Variants in ADAMTS19 observed in about 807,000 individuals in gnomAD.
ADAMTS19 encodes A disintegrin and metalloproteinase with thrombospondin motifs 19.
A neutral mutation model predicts 153.3 loss-of-function variants in ADAMTS19; 93 were observed. That is an observed-to-expected ratio of 0.61 (90% CI 0.51 to 0.72). The LOEUF is 0.72. Ranked by LOEUF, ADAMTS19 falls within the 30% of genes least tolerant of loss-of-function variation. The pLI is 0.00. For synonymous variants in ADAMTS19, 600 were observed against 556.6 expected, an observed-to-expected ratio of 1.08 and a Z score of -1.10; for missense variants, 1,482 against 1,552.1, an observed-to-expected ratio of 0.95 and a Z score of 0.76.
In ADAMTS19 at chr5:129,679,755, T is replaced by A. The variant is rs746371655; in HGVS notation, c.2507-9T>A. 6.3e-7 allele frequency: 1 copy of A among 1,585,598 alleles called. No homozygotes were observed. Among genetic ancestry groups the A allele is most frequent in the East Asian group, 2.3e-5 (1 of 43,942 alleles). ...TTAATACTCATTATATTTTTGAACC[T>A]CTTTATAGCTCTCCGAGATGCTGGC... On this transcript the variant is annotated splice_polypyrimidine_tract_variant and intron_variant, in intron 16 of 22. Coordinates refer to ENST00000274487, the MANE Select transcript of ADAMTS19 (RefSeq NM_133638.6).
intron 16 of ADAMTS19, among the ~76,000 whole-genome samples, chr5:129,673,204 G>C (rs1017604296): frequency 6.6e-6 from 1 of 151,634 alleles, no homozygotes; most frequent in African/African-American, 2.4e-5. Flanking sequence ...TTAGTTTCTT[G>C]CTTCTATTTA....
chr5:129,723,490 G>C (rs1458537806), intron 21 of ADAMTS19, among the ~76,000 whole-genome samples: 1 of 152,038 alleles, frequency 6.6e-6, no homozygotes, highest in Non-Finnish European at 1.5e-5. Context: ...ATTTCTATTT[G>C]AGCTTCTCAT....
intron 21 of ADAMTS19, among the ~76,000 whole-genome samples, chr5:129,709,433 T>G (rs1256097681): frequency 6.6e-6 from 1 of 152,212 alleles, no homozygotes; most frequent in Non-Finnish European, 1.5e-5. Context: ...TAAATATTAT[T>G]GATGTTACTG....
intron 8 of ADAMTS19, among the ~76,000 whole-genome samples, chr5:129,610,109 ATATATT>A (rs976304042): frequency 2.5e-5 from 3 of 120,186 alleles, no homozygotes; most frequent in African/African-American, 5.5e-5. Flanking sequence ...ATATATATAT[ATATATT>A]ATTTAAAATT....
chr5:129,538,998 G>A (rs1318334494), intron 6 of ADAMTS19, among the ~76,000 whole-genome samples: 1 of 152,094 alleles, frequency 6.6e-6, no homozygotes, highest in African/African-American at 2.4e-5. Context: ...GAGTTGGTGT[G>A]TATGTAAAGA....
intron 2 of ADAMTS19, among the ~76,000 whole-genome samples, chr5:129,493,932 A>T (rs968726916): frequency 6.6e-6 from 1 of 152,070 alleles, no homozygotes; most frequent in African/African-American, 2.4e-5. Flanking sequence ...ATTTCATAAG[A>T]ATCACACCCT....
At chr5:129,711,519 CA>C (rs373035150) in intron 21 of ADAMTS19, among the ~76,000 whole-genome samples, 7 of 151,660 alleles carry the variant, frequency 4.6e-5, no homozygotes, top group African/African-American at 7.2e-5. Flanking sequence ...ACCAAAAATA[CA>C]AAAAAAATTA....
chr5:129,528,626 C>T lies in ADAMTS19; in HGVS notation c.1277C>T (p.Thr426Ile). Residue 426 changes from threonine to isoleucine, a missense_variant, in exon 6 of 23, where the codon ACA (threonine) becomes ATA (isoleucine). Transcript: ENST00000274487. Reference protein sequence around the residue: ...KKNDIHLEMSTNWGEDMTSVD... With the variant: ...KKNDIHLEMSINWGEDMTSVD... ...AATGATATACATTTAGAGATGTCAA[C>T]AAACTGGGGGGAAGACATGACTTCA... is the stretch of plus-strand genomic sequence containing the variant. The T allele has an allele frequency of 6.2e-7, 1 of 1,604,812 alleles. No homozygotes were observed. The highest frequency in any genetic ancestry group is 8.5e-7 in the Non-Finnish European group (1 of 1,176,342).
chr5:129,702,941 A>AAAAAAAATAT, intron 20 of ADAMTS19, among the ~76,000 whole-genome samples: 8 of 29,304 alleles, frequency 2.7e-4, no homozygotes, highest in African/African-American at 5.1e-4. Flanking sequence ...AAAAAAAAAA[A>AAAAAAAATAT]ATATATATAT....
chr5:129,586,362 C>T (rs923017781), intron 7 of ADAMTS19, among the ~76,000 whole-genome samples: 14 of 152,120 alleles, frequency 9.2e-5, no homozygotes, highest in African/African-American at 2.2e-4. Flanking sequence ...TGGCATCCAC[C>T]GATCTTTTTA....
chr5:129,687,132 CA>C (rs1161083075), intron 18 of ADAMTS19, among the ~76,000 whole-genome samples: 1 of 152,064 alleles, frequency 6.6e-6, no homozygotes, highest in East Asian at 1.9e-4. Flanking sequence ...ACATTCACAA[CA>C]AAAATATAGT....
rs1753450882 is a variant in ADAMTS19, at chr5:129,654,405, T to C, written c.2276T>C (p.Leu759Ser). 1 of 1,612,372 alleles carries C rather than the reference T, an allele frequency of 6.2e-7. No individual in the cohort carries two copies. The highest frequency in any genetic ancestry group is 1.1e-5 in the South Asian group (1 of 90,760). ...GGAACTTCTTGTGGCTATCAGGGAT[T>C]AGATATCTGTGCAAATGGCAGGTGC... is the stretch of plus-strand genomic sequence containing the variant. Reference protein sequence around the residue: ...MDGTSCGYQGLDICANGRCQK... With the variant: ...MDGTSCGYQGSDICANGRCQK... The change falls in exon 14 of 23, where the codon TTA becomes TCA. Residue 759 changes from leucine to serine, a missense_variant. Leu to Ser is a moderately radical substitution (Grantham distance 145, BLOSUM62 -2). Around this residue, in one of 2 missense-constraint regions of ADAMTS19, gnomAD observed 616 missense variants for 724.4 expected, o/e 0.85. Transcript: ENST00000274487.
intron 7 of ADAMTS19, among the ~76,000 whole-genome samples, chr5:129,577,642 G>A (rs572604974): frequency 2.6e-4 from 40 of 152,088 alleles, no homozygotes; most frequent in Admixed American, 1.8e-3. Flanking sequence ...AAGATGTAAC[G>A]ATGCTTGCTC....
chr5:129,669,847 G>C (rs1754224918), intron 16 of ADAMTS19, among the ~76,000 whole-genome samples: 1 of 151,730 alleles, frequency 6.6e-6, no homozygotes, highest in Non-Finnish European at 1.5e-5. Flanking sequence ...GGTTGTTAGT[G>C]TGTTGTTTAA....
intron 7 of ADAMTS19, among the ~76,000 whole-genome samples, chr5:129,590,890 T>A (rs943768639): frequency 6.6e-6 from 1 of 152,256 alleles, no homozygotes; most frequent in Non-Finnish European, 1.5e-5. Context: ...TGGATTGCAC[T>A]GGATCACATT....
At chr5:129,500,602 C>A (rs1751067906) in intron 2 of ADAMTS19, 1 of 151,948 alleles carries the variant, frequency 6.6e-6, no homozygotes, top group African/African-American at 2.4e-5. Context: ...GTTTTAATTG[C>A]AAAATAGAAC....
intron 10 of ADAMTS19, among the ~76,000 whole-genome samples, chr5:129,635,495 G>A (rs946523137): frequency 6.6e-6 from 1 of 152,118 alleles, no homozygotes; most frequent in Non-Finnish European, 1.5e-5. Context: ...GCAAAGACAT[G>A]GAATGAACCT....
At position 129,550,651 on chromosome 5, in the gene ADAMTS19, A is replaced by G. The variant is rs560984857; in HGVS notation, c.1329-1213A>G. ...GCAAGATGTGAATTGAAAGCTAACC[A>G]TTATAAAGATCAATGTGACTTCATT... On this transcript the variant is annotated intron_variant, in intron 6 of 22. Transcript: ENST00000274487. Among the ~76,000 whole-genome samples the G allele has an allele frequency of 1.2e-3, 180 of 151,532 alleles. 1 individual carries two copies. Among genetic ancestry groups the G allele is most frequent in the African/African-American group, 4.2e-3 (173 of 41,484 alleles).
intron 7 of ADAMTS19, among the ~76,000 whole-genome samples, chr5:129,580,252 T>C (rs960721670): frequency 2.0e-5 from 3 of 152,208 alleles, no homozygotes; most frequent in African/African-American, 7.2e-5. Flanking sequence ...GTTATTGGTG[T>C]AGAGGAATGC....
Sources: gnomAD v4.1 joint callset for allele counts (sites outside exome capture counted in the v4.1 genomes callset) on GRCh38, gnomAD v4.1.1 for gene constraint, gnomAD v4.1.1 regional missense constraint, MANE v1.5 for transcripts, NCBI Gene and HGNC (gene_info 2026-07-23, HGNC 2026-07-21) for gene names.